The following OGDH variants were observed in gnomAD, a reference collection of about 807,000 sequenced individuals.
The protein encoded by OGDH is 2-oxoglutarate dehydrogenase complex component E1.
In OGDH, 38 loss-of-function variants were observed where a neutral mutation model predicts 116.6. The observed-to-expected ratio is 0.33, with a 90% CI of 0.25 to 0.43. OGDH has a LOEUF of 0.43. Among genes scored for constraint, OGDH ranks in the 20% least tolerant of loss-of-function variants. The pLI is 1.00. For missense variants in OGDH, 825 were observed against 1,357.2 expected, an observed-to-expected ratio of 0.61 and a Z score of 6.16; for synonymous variants, 488 against 533.3, an observed-to-expected ratio of 0.92 and a Z score of 1.17.
chr7:44,667,426 C>T (rs1787233636), intron 5 of OGDH, among the ~76,000 whole-genome samples: 3 of 152,186 alleles, frequency 2.0e-5, no homozygotes, highest in African/African-American at 7.2e-5. Context: ...GGCCTCAAGT[C>T]AGGGGTGGCT....
intron 5 of OGDH, among the ~76,000 whole-genome samples, chr7:44,670,343 C>T (rs1235347884): frequency 1.3e-5 from 2 of 152,114 alleles, no homozygotes; most frequent in East Asian, 1.9e-4. Context: ...AAGAGTCCTT[C>T]CCTCACAGCA....
intron 4 of OGDH, among the ~76,000 whole-genome samples, chr7:44,662,096 T>A (rs6463243): frequency 0.18 from 26,820 of 152,108 alleles, 5,582 homozygotes; most frequent in African/African-American, 0.49. Flanking sequence ...TCTACATACA[T>A]TTAGAACTTC....
chr7:44,636,725 G>A (rs1450974646), intron 2 of OGDH, among the ~76,000 whole-genome samples: 1 of 152,230 alleles, frequency 6.6e-6, no homozygotes, highest in African/African-American at 2.4e-5. Context: ...GTGGGAGCTT[G>A]GGGAGCAGTG....
At chr7:44,645,240 G>T (rs943606080) in intron 2 of OGDH, 87 bp from the exon 3 acceptor site, 5 of 1,241,816 alleles carry the variant, frequency 4.0e-6, no homozygotes, top group African/African-American at 1.5e-5. Flanking sequence ...GACTTGCCTT[G>T]CCTGCAGAGA....
intron 3 of OGDH, among the ~76,000 whole-genome samples, chr7:44,645,746 T>C (rs779174712): frequency 1.3e-5 from 2 of 152,208 alleles, no homozygotes; most frequent in Non-Finnish European, 2.9e-5. Flanking sequence ...GCCTGCCTTA[T>C]AAAAGGGATC....
At chr7:44,670,749 G>A (rs576307433) in intron 5 of OGDH, among the ~76,000 whole-genome samples, 2 of 152,104 alleles carry the variant, frequency 1.3e-5, no homozygotes, top group East Asian at 3.9e-4. Context: ...GGTGGCTCAA[G>A]CCTGTAATCC....
intron 1 of OGDH, among the ~76,000 whole-genome samples, chr7:44,623,857 G>C (rs1305482256): frequency 2.0e-5 from 3 of 152,188 alleles, no homozygotes; most frequent in Admixed American, 2.0e-4. Context: ...TGTTGGCCAG[G>C]ATGGTCTTGA....
chr7:44,635,395 G>A (rs1785619903), intron 2 of OGDH, among the ~76,000 whole-genome samples: 1 of 152,198 alleles, frequency 6.6e-6, no homozygotes, highest in Non-Finnish European at 1.5e-5. Flanking sequence ...GGGCCTTTGA[G>A]CATGGGTGTG....
chr7:44,675,962 C>G lies in OGDH; in HGVS notation c.1027-8C>G. Reference sequence around the variant, plus strand: ...GCCAGGGTGCAAATTCACTGTTTACCCCATCAGGGCTCCGGAGATGTGAAG... The same window carrying G: ...GCCAGGGTGCAAATTCACTGTTTACGCCATCAGGGCTCCGGAGATGTGAAG... On this transcript the variant is annotated splice_region_variant and splice_polypyrimidine_tract_variant and intron_variant, in intron 8 of 22. Transcript: ENST00000222673. 1.2e-6 allele frequency: 2 copies of G among 1,612,748 alleles called. No individual in the cohort carries two copies. The highest frequency in any genetic ancestry group is 2.7e-5 in the African/African-American group (2 of 74,946).
intron 4 of OGDH, among the ~76,000 whole-genome samples, chr7:44,661,813 A>G (rs902497751): frequency 1.3e-5 from 2 of 152,178 alleles, no homozygotes; most frequent in Non-Finnish European, 2.9e-5. Context: ...CATGTTGGCC[A>G]GGCTGGTCTT....
In OGDH at chr7:44,697,543, C is replaced by T. The variant is rs113709500; in HGVS notation, c.2179+46C>T. The T allele has an allele frequency of 5.6e-6, 9 of 1,613,424 alleles. No individual in the cohort carries two copies. Among genetic ancestry groups the T allele is most frequent in the Middle Eastern group, 1.7e-4 (1 of 6,060 alleles). Reference sequence around the variant, plus strand: ...CACCAGGGCCTGTCACCCACCCACCCCCGCTGGGCCTACTGGCTGGTGTCC... The same window carrying T: ...CACCAGGGCCTGTCACCCACCCACCTCCGCTGGGCCTACTGGCTGGTGTCC... On this transcript the variant is annotated intron_variant, in intron 16 of 22. Coordinates refer to ENST00000222673, the MANE Select transcript of OGDH (RefSeq NM_002541.4). The surrounding 1 kb of genome is among the most constrained non-coding windows in gnomAD (Gnocchi z 6.0).
chr7:44,639,670 G>A (rs556696249), intron 2 of OGDH, among the ~76,000 whole-genome samples: 7 of 152,252 alleles, frequency 4.6e-5, no homozygotes, highest in Non-Finnish European at 7.4e-5. Flanking sequence ...AGGTCTTGGC[G>A]CAAAGAGGGC....
At chr7:44,705,046 A>ATTTTTTTTTT (rs1585406047) in intron 20 of OGDH, among the ~76,000 whole-genome samples, 4 of 87,680 alleles carry the variant, frequency 4.6e-5, no homozygotes, top group African/African-American at 1.8e-4. Flanking sequence ...AAAGTTTTTA[A>ATTTTTTTTTT]TTTTCTTTTT....
chr7:44,703,982 T>A (rs1228668788), intron 20 of OGDH, among the ~76,000 whole-genome samples: 2 of 152,246 alleles, frequency 1.3e-5, no homozygotes, highest in Non-Finnish European at 2.9e-5. Flanking sequence ...TGCTTCCATG[T>A]TTCAGCTATT....
At chr7:44,671,181 C>T (rs1454279048) in intron 5 of OGDH, among the ~76,000 whole-genome samples, 1 of 151,978 alleles carries the variant, frequency 6.6e-6, no homozygotes, top group Non-Finnish European at 1.5e-5. Context: ...TGGTGAGGGC[C>T]TCAGGCTGCT....
intron 5 of OGDH, among the ~76,000 whole-genome samples, chr7:44,669,773 T>C (rs710887): frequency 0.73 from 110,627 of 151,604 alleles, 40,569 homozygotes; most frequent in East Asian, 1. Context: ...TAAGGCTGTA[T>C]GCGCTCCTGG....
chr7:44,628,830 GC>G (rs1439840427), intron 2 of OGDH, among the ~76,000 whole-genome samples: 1 of 152,010 alleles, frequency 6.6e-6, no homozygotes, highest in Non-Finnish European at 1.5e-5. Context: ...GCAAATCAGA[GC>G]TGCAAGTACC....
chr7:44,619,892 T>C (rs1430065000), intron 1 of OGDH, among the ~76,000 whole-genome samples: 1 of 152,224 alleles, frequency 6.6e-6, no homozygotes, highest in South Asian at 2.1e-4. Context: ...GATTGGGTTG[T>C]CTTTTTACTG....
intron 5 of OGDH, among the ~76,000 whole-genome samples, chr7:44,667,330 A>G (rs1482593450): frequency 1.3e-5 from 2 of 152,160 alleles, no homozygotes; most frequent in Non-Finnish European, 2.9e-5. Context: ...GTGATCAGCC[A>G]TAGAGAGGGG....
Sources: gnomAD v4.1 joint callset for allele counts (sites outside exome capture counted in the v4.1 genomes callset) on GRCh38, gnomAD v4.1.1 for gene constraint, Gnocchi (gnomAD v3.1) non-coding constraint, MANE v1.5 for transcripts, NCBI Gene and HGNC (gene_info 2026-07-23, HGNC 2026-07-21) for gene names.